STX12: variants seen among roughly 807,000 people sequenced by gnomAD.
STX12 encodes the protein syntaxin 12, also known as syntaxin-12.
STX12 carries 17 observed loss-of-function variants against 42.2 expected under a neutral mutation model. The ratio of observed to expected loss-of-function variants is 0.40; its 90% CI spans 0.28 to 0.60. The LOEUF (loss-of-function observed/expected upper bound fraction) is 0.60. STX12 is among the 20% of genes least tolerant of loss of function. The pLI is 0.39. For synonymous variants in STX12, 108 were observed against 116.7 expected (o/e 0.93, Z 0.48); for missense variants, 297 against 330.9 (o/e 0.90, Z 0.79).
chr1:27,794,116 C>G (rs1161239669), intron 3 of STX12, among the ~76,000 whole-genome samples: 1 of 151,938 alleles, frequency 6.6e-6, no homozygotes, highest in African/African-American at 2.4e-5. Flanking sequence ...CCTCCCACTT[C>G]TGGGCTCAAG....
intron 3 of STX12, among the ~76,000 whole-genome samples, chr1:27,797,720 T>C (rs1264288329): frequency 6.6e-6 from 1 of 152,118 alleles, no homozygotes; most frequent in Non-Finnish European, 1.5e-5. Context: ...TACCTTCATA[T>C]AAAACTTGTC....
At chr1:27,818,652 G>A (rs754372414) in intron 7 of STX12, among the ~76,000 whole-genome samples, 1 of 149,286 alleles carries the variant, frequency 6.7e-6, no homozygotes, top group African/African-American at 2.5e-5. Context: ...TTTTTGAGAC[G>A]GAGTTTTGCT....
At chr1:27,791,767 A>G (rs2088742910) in intron 2 of STX12, among the ~76,000 whole-genome samples, 1 of 151,966 alleles carries the variant, frequency 6.6e-6, no homozygotes, top group Non-Finnish European at 1.5e-5. Flanking sequence ...GTGAGCTGAG[A>G]TCACATCACT....
intron 1 of STX12, among the ~76,000 whole-genome samples, chr1:27,781,341 G>GC (rs1442048771): frequency 6.6e-6 from 1 of 152,110 alleles, no homozygotes; most frequent in Non-Finnish European, 1.5e-5. Context: ...ACCACGACCA[G>GC]CCCCAGTGGT....
In STX12 at chr1:27,787,184, G is replaced by GC. The variant is rs765617443; in HGVS notation, c.119-2376dup. Among the ~76,000 whole-genome samples, 240 of 152,232 alleles carry GC rather than the reference G, an allele frequency of 1.6e-3. 2 individuals carry two copies. The highest frequency in any genetic ancestry group is 4.7e-4 in the Non-Finnish European group (32 of 68,016). On this transcript the variant is annotated intron_variant, in intron 1 of 8. Coordinates refer to ENST00000373943, the MANE Select transcript of STX12 (RefSeq NM_177424.3). ...GAAATCATAATCTGAAGTGCTACCA[G>GC]CCTATATATACTTGACTCGGGAAAT...
At chr1:27,816,056 C>G (rs1335120272) in intron 6 of STX12, among the ~76,000 whole-genome samples, 2 of 152,132 alleles carry the variant, frequency 1.3e-5, no homozygotes, top group African/African-American at 2.4e-5. Flanking sequence ...AAGCTCACGC[C>G]TGTAATCCCA....
intron 4 of STX12, among the ~76,000 whole-genome samples, chr1:27,805,729 GAT>G (rs1478622970): frequency 1.3e-5 from 2 of 152,076 alleles, no homozygotes; most frequent in Admixed American, 1.3e-4. Context: ...TTTCGTCTAG[GAT>G]TATATCTGCT....
At chr1:27,810,850 C>T (rs1293113791) in intron 5 of STX12, among the ~76,000 whole-genome samples, 1 of 152,108 alleles carries the variant, frequency 6.6e-6, no homozygotes, top group East Asian at 1.9e-4. Flanking sequence ...ACCTCAAAGG[C>T]TTGGGGACTC....
At chr1:27,780,209 G>GTTTTTTTTTT (rs199499561) in intron 1 of STX12, among the ~76,000 whole-genome samples, 1 of 125,956 alleles carries the variant, frequency 7.9e-6, no homozygotes, top group African/African-American at 3.1e-5. Flanking sequence ...TTCTTTGCTT[G>GTTTTTTTTTT]TTTTTTTTTT....
intron 4 of STX12, chr1:27,809,807 A>G (rs1228307724): frequency 6.5e-6 from 1 of 154,028 alleles, no homozygotes; most frequent in African/African-American, 2.4e-5. Context: ...AAAAAACCTT[A>G]GGAGAAAAAA....
chr1:27,819,045 G>A (rs976334961), intron 7 of STX12, among the ~76,000 whole-genome samples: 2 of 152,094 alleles, frequency 1.3e-5, no homozygotes, highest in African/African-American at 4.8e-5. Flanking sequence ...GGAGGCTGAG[G>A]TGGGAGGATC....
intron 2 of STX12, 82 bp from the exon 3 acceptor site, chr1:27,793,451 A>G: frequency 8.6e-7 from 1 of 1,160,304 alleles, no homozygotes; most frequent in Non-Finnish European, 1.3e-6. Context: ...CTACGTTATG[A>G]GACACTCTGA....
intron 1 of STX12, among the ~76,000 whole-genome samples, chr1:27,776,479 C>G (rs2088628679): frequency 6.6e-6 from 1 of 151,898 alleles, no homozygotes; most frequent in African/African-American, 2.4e-5. Flanking sequence ...TTTAGGAGGC[C>G]AAAGAGGGAG....
chr1:27,783,188 T>G (rs981251798), intron 1 of STX12, among the ~76,000 whole-genome samples: 1 of 152,220 alleles, frequency 6.6e-6, no homozygotes, highest in Non-Finnish European at 1.5e-5. Flanking sequence ...ATTTTCAGTT[T>G]AGAGTAGTTC....
intron 8 of STX12, among the ~76,000 whole-genome samples, chr1:27,821,835 T>C (rs982228956): frequency 1.3e-5 from 2 of 152,016 alleles, no homozygotes; most frequent in African/African-American, 2.4e-5. Context: ...TGGCCAACAC[T>C]GGTGAAACCC....
intron 1 of STX12, among the ~76,000 whole-genome samples, chr1:27,778,005 C>T (rs1245321893): frequency 2.0e-5 from 3 of 152,122 alleles, no homozygotes; most frequent in Non-Finnish European, 4.4e-5. Flanking sequence ...TGCCTATCCC[C>T]AAACCTCTCC....
At chr1:27,797,754 T>A (rs12083654) in intron 3 of STX12, among the ~76,000 whole-genome samples, 26,439 of 152,070 alleles carry the variant, frequency 0.17, 6,015 homozygotes, top group African/African-American at 0.52. Flanking sequence ...CTCATGTTTC[T>A]CCCAAACCCC....
At chr1:27,790,872 C>T (rs189467176) in intron 2 of STX12, among the ~76,000 whole-genome samples, 9 of 152,158 alleles carry the variant, frequency 5.9e-5, no homozygotes, top group South Asian at 2.1e-4. Context: ...ACCCAGGAGG[C>T]GGAGGTTGCG....
chr1:27,777,410 A>G (rs919597596), intron 1 of STX12, among the ~76,000 whole-genome samples: 2 of 152,216 alleles, frequency 1.3e-5, no homozygotes, highest in Non-Finnish European at 2.9e-5. Context: ...AGGGAGGCAG[A>G]ATAGGAAAAG....
Sources: gnomAD v4.1 joint callset for allele counts (sites outside exome capture counted in the v4.1 genomes callset) on GRCh38, gnomAD v4.1.1 for gene constraint, MANE v1.5 for transcripts, NCBI Gene and HGNC (gene_info 2026-07-23, HGNC 2026-07-21) for gene names.